Variants in GLTP observed in about 807,000 individuals in gnomAD.
GLTP encodes glycolipid transfer protein.
GLTP carries 22 observed loss-of-function variants against 24.0 expected under a neutral mutation model. The ratio of observed to expected loss-of-function variants is 0.92; its 90% CI spans 0.65 to 1.31. GLTP has a LOEUF of 1.31. GLTP is among the 50% of genes most tolerant of loss of function. The probability of loss-of-function intolerance (pLI) is 0.00; values close to 1 mark genes in which losing one functional copy is unlikely to be tolerated. For missense variants in GLTP, 224 were observed against 276.6 expected (o/e 0.81, Z 1.35); for synonymous variants, 92 against 115.9 (o/e 0.79, Z 1.33).
In GLTP at chr12:109,869,989, C is replaced by A. The variant is rs563762595; in HGVS notation, c.103+10283G>T. On this transcript the variant is annotated intron_variant, in intron 1 of 4. Transcript: ENST00000318348. ...GAACTTCTGACCTCAAGAGATCTGCCTGCCTGGGCCTCCCAAAGTGCTGGG... is the reference window on the plus strand; with the variant it reads ...GAACTTCTGACCTCAAGAGATCTGCATGCCTGGGCCTCCCAAAGTGCTGGG... Among the ~76,000 whole-genome samples the A allele has an allele frequency of 8.6e-4, 131 of 152,198 alleles. 1 individual carries two copies. Among genetic ancestry groups the A allele is most frequent in the Admixed American group, 4.7e-3 (72 of 15,284 alleles).
Position 109,855,782 on chromosome 12 carries a change from G to C in GLTP, c.297-13C>G, listed in dbSNP as rs1565897044. ...GAAGCGGAGGCCTCTGTGGCCCAGG[G>C]AGGAGAAGGTTCGTTAGGACCCTGC... On this transcript the variant is annotated splice_polypyrimidine_tract_variant and intron_variant, in intron 3 of 4. Coordinates refer to ENST00000318348, the MANE Select transcript of GLTP (RefSeq NM_016433.4). The surrounding 1 kb of genome is among the most constrained non-coding windows in gnomAD (Gnocchi z 4.1). 6.4e-7 allele frequency: 1 copy of C among 1,574,040 alleles called. No homozygotes were observed. The highest frequency in any genetic ancestry group is 8.6e-7 in the Non-Finnish European group (1 of 1,161,674).
intron 1 of GLTP, among the ~76,000 whole-genome samples, chr12:109,865,611 A>G (rs1217295565): frequency 6.6e-6 from 1 of 152,026 alleles, no homozygotes; most frequent in Non-Finnish European, 1.5e-5. Context: ...GAAAAAAAAA[A>G]AAAATAGAGA....
intron 1 of GLTP, among the ~76,000 whole-genome samples, chr12:109,872,738 T>A (rs908499912): frequency 6.6e-6 from 1 of 152,228 alleles, no homozygotes; most frequent in Non-Finnish European, 1.5e-5. Flanking sequence ...TCTCTCTGGC[T>A]TCTTCCTCCA....
At chr12:109,856,149 C>T (rs560602095) in intron 3 of GLTP, among the ~76,000 whole-genome samples, 34 of 152,236 alleles carry the variant, frequency 2.2e-4, no homozygotes, top group Admixed American at 3.3e-4. Flanking sequence ...GAAGGGTTCG[C>T]GGACCACAGA....
intron 1 of GLTP, among the ~76,000 whole-genome samples, chr12:109,879,305 G>A (rs1868985273): frequency 6.6e-6 from 1 of 152,222 alleles, no homozygotes; most frequent in African/African-American, 2.4e-5. Context: ...TGGAGAAGGA[G>A]AATAGAGGCT....
At chr12:109,856,856 C>T (rs575324609) in intron 3 of GLTP, among the ~76,000 whole-genome samples, 40 of 152,172 alleles carry the variant, frequency 2.6e-4, no homozygotes, top group Middle Eastern at 3.4e-3. Context: ...GCTAACATGG[C>T]GGGCTTGTCT....
At chr12:109,873,355 C>T (rs1868786051) in intron 1 of GLTP, among the ~76,000 whole-genome samples, 1 of 152,148 alleles carries the variant, frequency 6.6e-6, no homozygotes, top group Non-Finnish European at 1.5e-5. Flanking sequence ...AGAGCTGAGG[C>T]TGGGCGCGGT....
chr12:109,873,817 A>AACAC (rs112538687), intron 1 of GLTP, among the ~76,000 whole-genome samples: 1,988 of 149,388 alleles, frequency 0.013, 41 homozygotes, highest in African/African-American at 0.046. Context: ...TCTTAAACAA[A>AACAC]ACACACACAC....
At chr12:109,868,353 G>C (rs564531251) in intron 1 of GLTP, among the ~76,000 whole-genome samples, 103 of 152,228 alleles carry the variant, frequency 6.8e-4, no homozygotes, top group African/African-American at 2.4e-3. Context: ...GGACAGTACT[G>C]GTCGTTATGC....
At position 109,867,186 on chromosome 12, in the gene GLTP, T is replaced by C. The variant is rs34956795; in HGVS notation, c.104-8445A>G. 3.8e-3 allele frequency among the ~76,000 whole-genome samples: 573 copies of C among 152,164 alleles called. 4 individuals are homozygous for C. The highest frequency in any genetic ancestry group is 0.016 in the South Asian group (77 of 4,814). ...TTTTTTGAGACAGAGTCTCACTCTA[T>C]AGCCCAAGCCGGAGTGCAGTGGAGC... On this transcript the variant is annotated intron_variant, in intron 1 of 4. Coordinates refer to ENST00000318348, the MANE Select transcript of GLTP (RefSeq NM_016433.4).
chr12:109,869,320 AG>A lies in GLTP; in HGVS notation c.104-10580del, dbSNP rs66482231. ...CTCTACCTCAAAAAAAAAAAAAAAAAGAAAGAAAGAAAGAAAGAAAGAGAAA... is the reference window on the plus strand; with the variant it reads ...CTCTACCTCAAAAAAAAAAAAAAAAAAAAGAAAGAAAGAAAGAAAGAGAAA... On this transcript the variant is annotated intron_variant, in intron 1 of 4. Transcript: ENST00000318348. 4.4e-3 allele frequency among the ~76,000 whole-genome samples: 560 copies of A among 128,332 alleles called. 1 individual carries two copies. The highest frequency in any genetic ancestry group is 6.0e-3 in the Non-Finnish European group (370 of 61,964). 84.2% of individuals were successfully genotyped at this position (128,332 alleles called of 152,430 possible).
intron 1 of GLTP, among the ~76,000 whole-genome samples, chr12:109,861,437 CTTCT>C (rs1487560014): frequency 2.0e-5 from 3 of 152,282 alleles, no homozygotes; most frequent in East Asian, 3.9e-4. Context: ...ATTTCATATG[CTTCT>C]TTAAGAAATT....
At chr12:109,877,474 C>T (rs1281657825) in intron 1 of GLTP, among the ~76,000 whole-genome samples, 2 of 152,100 alleles carry the variant, frequency 1.3e-5, no homozygotes, top group Non-Finnish European at 2.9e-5. Context: ...TTTTGCCTCC[C>T]TGGGGATAGT....
At chr12:109,858,173 T>G (rs1164461944) in intron 2 of GLTP, 2 of 457,308 alleles carry the variant, frequency 4.4e-6, no homozygotes, top group Admixed American at 2.3e-5. Context: ...CTTCAACCCC[T>G]CTGAGTCTCA....
At position 109,852,611 on chromosome 12, in the gene GLTP, C is replaced by T. The variant is rs1233084001; in HGVS notation, c.574G>A (p.Asp192Asn). Reference protein sequence around the residue: ...LFLVNYTATIDVIYEMYTQMN... With the variant: ...LFLVNYTATINVIYEMYTQMN... ...TGGGTGTACATCTCGTAGATGACAT[C>T]GATGGTCGCCGTGTAGTTGACTAGG... is the stretch of plus-strand genomic sequence containing the variant. Residue 192 changes from aspartate to asparagine, a missense_variant, in exon 5 of 5, where the codon GAT becomes AAT. Coordinates refer to ENST00000318348, the MANE Select transcript of GLTP (RefSeq NM_016433.4). 4 of 1,608,012 alleles carry T rather than the reference C, an allele frequency of 2.5e-6. No individual in the cohort carries two copies. Among genetic ancestry groups the T allele is most frequent in the African/African-American group, 1.3e-5 (1 of 74,732 alleles).
intron 3 of GLTP, among the ~76,000 whole-genome samples, chr12:109,856,215 G>A (rs924954541): frequency 1.3e-5 from 2 of 152,136 alleles, no homozygotes; most frequent in Non-Finnish European, 2.9e-5. Flanking sequence ...CAGGCTTCCC[G>A]CCTCCACTCC....
Position 109,857,317 on chromosome 12 carries a change from C to T in GLTP, c.296+209G>A, listed in dbSNP as rs1892811628. ...AGCACAACTCCCAGATCAGGGTGTGCTCATATACTGATGGGACTGGAACCA... is the reference window on the plus strand; with the variant it reads ...AGCACAACTCCCAGATCAGGGTGTGTTCATATACTGATGGGACTGGAACCA... On this transcript the variant is annotated intron_variant, in intron 3 of 4. Coordinates refer to ENST00000318348, the MANE Select transcript of GLTP (RefSeq NM_016433.4). This position sits in a 1 kb window ranked among gnomAD's most constrained non-coding sequence, Gnocchi z 4.3. Among the ~76,000 whole-genome samples, 1 of 152,156 alleles carries T rather than the reference C, an allele frequency of 6.6e-6. No homozygotes were observed.
chr12:109,860,631 T>C (rs1892859293), intron 1 of GLTP, among the ~76,000 whole-genome samples: 1 of 151,994 alleles, frequency 6.6e-6, no homozygotes, highest in Admixed American at 6.6e-5. Flanking sequence ...GGATACACCA[T>C]CACACCCAGT....
At chr12:109,858,939 G>A (rs1458558450) in intron 1 of GLTP, among the ~76,000 whole-genome samples, 198 bp from the exon 2 acceptor site, 1 of 152,194 alleles carries the variant, frequency 6.6e-6, no homozygotes, top group Admixed American at 6.5e-5. Context: ...TTTCCTATCT[G>A]GCAAATGAGG....
Sources: allele counts gnomAD v4.1 joint callset (sites outside exome capture counted in the v4.1 genomes callset), GRCh38; gene constraint gnomAD v4.1.1; non-coding constraint Gnocchi (gnomAD v3.1); transcripts MANE v1.5; gene names NCBI Gene and HGNC (gene_info 2026-07-23, HGNC 2026-07-21).